The following NBEA variants were observed in gnomAD, a reference collection of about 807,000 sequenced individuals.
The protein encoded by NBEA is lysosomal-trafficking regulator 2.
In NBEA, 44 loss-of-function variants were observed where a neutral mutation model predicts 343.4. The ratio of observed to expected loss-of-function variants is 0.13; its 90% CI spans 0.10 to 0.16. NBEA has a LOEUF of 0.16. Among genes scored for constraint, NBEA ranks in the 10% least tolerant of loss-of-function variants. NBEA has a pLI of 1.00. For missense variants in NBEA, 2,555 were observed against 3,631.3 expected (o/e 0.70, Z 7.62); for synonymous variants, 1,175 against 1,238.7 (o/e 0.95, Z 1.08).
intron 35 of NBEA, among the ~76,000 whole-genome samples, chr13:35,309,270 TTA>T (rs1432652657): frequency 6.6e-6 from 1 of 152,098 alleles, no homozygotes; most frequent in African/African-American, 2.4e-5. Context: ...TCAGAGCCCC[TTA>T]TACCTGCAGT....
chr13:35,577,199 A>G lies in NBEA; in HGVS notation c.7036-6699A>G, dbSNP rs377260397. ...AAGTTTCATCCGATCAAGTTGAATT[A>G]CCTGTCCATTTCTGCTGCAGTCATA... On this transcript the variant is annotated intron_variant, in intron 45 of 58. Transcript: ENST00000379939. Among the ~76,000 whole-genome samples, 50 of 152,288 alleles carry G rather than the reference A, an allele frequency of 3.3e-4. 1 individual carries two copies. The South Asian group carries it at 0.01, about 32-fold the overall frequency.
chr13:35,347,027 T>G (rs1297814404), intron 36 of NBEA, among the ~76,000 whole-genome samples: 1 of 152,104 alleles, frequency 6.6e-6, no homozygotes, highest in African/African-American at 2.4e-5. Context: ...AACCTTGATA[T>G]TAGAAAGAAC....
chr13:34,986,191 TAC>T lies in NBEA; in HGVS notation c.294+43082_294+43083del, dbSNP rs564779832. Reference sequence around the variant, plus strand: ...GCATTTAGTGCTATAAATTTCCCTCTACACACTGCTTTAAATGTGCCACTGAG... The same window carrying T: ...GCATTTAGTGCTATAAATTTCCCTCTACACTGCTTTAAATGTGCCACTGAG... On this transcript the variant is annotated intron_variant, in intron 1 of 58. Transcript: ENST00000379939. Among the ~76,000 whole-genome samples the T allele has an allele frequency of 7.6e-3, 1,152 of 151,030 alleles. 25 individuals carry two copies. Among genetic ancestry groups the T allele is most frequent in the African/African-American group, 0.026 (1,090 of 41,448 alleles).
chr13:35,504,910 C>G (rs2077019183), intron 41 of NBEA, among the ~76,000 whole-genome samples: 1 of 152,058 alleles, frequency 6.6e-6, no homozygotes, highest in Non-Finnish European at 1.5e-5. Context: ...CTGTACCCAG[C>G]CAATATGTTT....
chr13:35,197,484 G>C (rs1302878989), intron 31 of NBEA, among the ~76,000 whole-genome samples: 1 of 151,986 alleles, frequency 6.6e-6, no homozygotes, highest in Non-Finnish European at 1.5e-5. Context: ...GGTAGAGGAT[G>C]TGGCGGTATA....
At chr13:35,633,166 A>AC (rs1217565224) in intron 49 of NBEA, among the ~76,000 whole-genome samples, 1 of 151,394 alleles carries the variant, frequency 6.6e-6, no homozygotes. Context: ...GCAGTGGCGC[A>AC]ATCTGGGCTC....
At chr13:34,970,889 GT>G (rs1174492125) in intron 1 of NBEA, among the ~76,000 whole-genome samples, 5 of 152,090 alleles carry the variant, frequency 3.3e-5, no homozygotes, top group Non-Finnish European at 7.4e-5. Context: ...TTTAAAAGTA[GT>G]TTTTTTCTGG....
chr13:35,196,241 G>C lies in NBEA; in HGVS notation c.5305G>C (p.Asp1769His). ...ECGPEPIPYP[D>H]PALKRETQAI... The stretch of plus-strand genomic sequence containing the variant: ...TGGCCCTGAACCTATCCCATACCCA[G>C]ATCCAGCATTGAAGAGAGAAACACA... Residue 1769 changes from aspartate (D) to histidine (H), a missense_variant, in exon 31 of 59, where the codon GAT (aspartate) becomes CAT (histidine). Asp to His is a moderately conservative substitution (Grantham distance 81). This residue lies in a region of NBEA where 270 missense variants were observed against 293.3 expected (regional missense o/e 0.92). Coordinates refer to ENST00000379939, the MANE Select transcript of NBEA (RefSeq NM_001385012.1). The C allele has an allele frequency of 1.2e-6, 2 of 1,613,560 alleles. No individual in the cohort carries two copies. The highest frequency in any genetic ancestry group is 1.7e-6 in the Non-Finnish European group (2 of 1,179,690).
chr13:35,314,319 A>G (rs906655571), intron 36 of NBEA, among the ~76,000 whole-genome samples: 4 of 152,166 alleles, frequency 2.6e-5, no homozygotes, highest in Admixed American at 6.6e-5. Context: ...GGGGGAGCCA[A>G]TTGAGGTTGC....
At chr13:35,015,945 A>G (rs991307332) in intron 1 of NBEA, among the ~76,000 whole-genome samples, 2 of 152,132 alleles carry the variant, frequency 1.3e-5, no homozygotes, top group African/African-American at 4.8e-5. Flanking sequence ...GAATATAGAT[A>G]TTAGTTTTTC....
intron 39 of NBEA, among the ~76,000 whole-genome samples, chr13:35,450,327 C>A (rs12863917): frequency 6.6e-6 from 1 of 150,824 alleles, no homozygotes; most frequent in Middle Eastern, 3.4e-3. Context: ...AAAAAAATAA[C>A]AATAAAAAAA....
chr13:35,561,986 C>T (rs934144385), intron 44 of NBEA, among the ~76,000 whole-genome samples: 1 of 152,022 alleles, frequency 6.6e-6, no homozygotes, highest in African/African-American at 2.4e-5. Context: ...AATTAAACCA[C>T]TCAAAAGTCT....
intron 41 of NBEA, among the ~76,000 whole-genome samples, chr13:35,489,634 T>C (rs1434072151): frequency 6.6e-6 from 1 of 151,932 alleles, no homozygotes; most frequent in Non-Finnish European, 1.5e-5. Flanking sequence ...GAAACATGTT[T>C]CAAAGTAAAA....
chr13:35,233,615 T>C (rs1362838108), intron 34 of NBEA, among the ~76,000 whole-genome samples: 1 of 152,178 alleles, frequency 6.6e-6, no homozygotes, highest in Non-Finnish European at 1.5e-5. Context: ...TCTTAGAATA[T>C]TGTCACATAA....
chr13:34,955,967 C>T (rs1350724802), intron 1 of NBEA, among the ~76,000 whole-genome samples: 2 of 152,176 alleles, frequency 1.3e-5, no homozygotes, highest in Non-Finnish European at 2.9e-5. Flanking sequence ...GTTAAGTTGA[C>T]ACCTAAAATT....
chr13:35,367,706 T>C (rs2041201969), intron 38 of NBEA, among the ~76,000 whole-genome samples: 1 of 151,464 alleles, frequency 6.6e-6, no homozygotes, highest in African/African-American at 2.4e-5. Flanking sequence ...GTTTTGAGTC[T>C]TAACATAAGT....
At chr13:35,324,169 G>A (rs1395997326) in intron 36 of NBEA, among the ~76,000 whole-genome samples, 41 of 152,130 alleles carry the variant, frequency 2.7e-4, no homozygotes, top group Admixed American at 2.4e-3. Flanking sequence ...TGTTGTGCAC[G>A]TAGCCAAAGG....
chr13:35,622,593 TTG>T (rs2083041847), intron 48 of NBEA, among the ~76,000 whole-genome samples: 1 of 152,228 alleles, frequency 6.6e-6, no homozygotes, highest in African/African-American at 2.4e-5. Context: ...AGTTGAATTA[TTG>T]AAGTTGTAAT....
At chr13:35,009,429 G>A (rs555621264) in intron 1 of NBEA, among the ~76,000 whole-genome samples, 12 of 152,252 alleles carry the variant, frequency 7.9e-5, no homozygotes, top group Middle Eastern at 6.8e-3. Context: ...GACATGGGAA[G>A]AGTTAACTGA....
Sources: allele counts gnomAD v4.1 joint callset (sites outside exome capture counted in the v4.1 genomes callset), GRCh38; gene constraint gnomAD v4.1.1; regional missense constraint gnomAD v4.1.1; transcripts MANE v1.5; gene names NCBI Gene and HGNC (gene_info 2026-07-23, HGNC 2026-07-21).